The following TMEM132E variants were observed in gnomAD, a reference collection of about 807,000 sequenced individuals.
TMEM132E encodes transmembrane protein 132E.
A neutral mutation model predicts 78.5 loss-of-function variants in TMEM132E; 49 were observed. That is an observed-to-expected ratio of 0.62 (90% confidence interval 0.50 to 0.79). The LOEUF is 0.79. Ranked by LOEUF, TMEM132E falls within the 30% of genes least tolerant of loss-of-function variation. The pLI, the probability that TMEM132E is intolerant of heterozygous loss-of-function variation, is 0.00. For synonymous variants in TMEM132E, 715 were observed against 670.6 expected (o/e 1.07, Z -1.02); for missense variants, 1,403 against 1,470.9 (o/e 0.95, Z 0.75).
chr17:34,611,568 G>A (rs1232735401), intron 1 of TMEM132E, among the ~76,000 whole-genome samples: 1 of 152,176 alleles, frequency 6.6e-6, no homozygotes, highest in Non-Finnish European at 1.5e-5. Context: ...ATAAGGCGTA[G>A]GCTTGGAGGG....
intron 4 of TMEM132E, 78 bp downstream of exon 4, chr17:34,629,282 C>G: frequency 6.8e-7 from 1 of 1,463,840 alleles, no homozygotes; most frequent in Non-Finnish European, 9.3e-7. Flanking sequence ...GAATGTGAAC[C>G]ACTGAGTATA....
chr17:34,627,257 T>C (rs886872145), intron 2 of TMEM132E, among the ~76,000 whole-genome samples, 200 bp downstream of exon 2: 1 of 152,216 alleles, frequency 6.6e-6, no homozygotes, highest in Non-Finnish European at 1.5e-5. Context: ...CTTATCTGTC[T>C]AATGGCAACA....
chr17:34,621,029 G>C (rs539616933), intron 1 of TMEM132E, among the ~76,000 whole-genome samples: 1 of 152,324 alleles, frequency 6.6e-6, no homozygotes, highest in South Asian at 2.1e-4. Flanking sequence ...AGGCTGGGGA[G>C]AGCTGGGAAC....
chr17:34,597,965 G>A (rs1906113843), intron 1 of TMEM132E, among the ~76,000 whole-genome samples: 1 of 152,182 alleles, frequency 6.6e-6, no homozygotes, highest in African/African-American at 2.4e-5. Context: ...CCCTGTTTGA[G>A]ATGAGACAGA....
At chr17:34,608,693 G>A (rs911133407) in intron 1 of TMEM132E, among the ~76,000 whole-genome samples, 19 of 152,232 alleles carry the variant, frequency 1.2e-4, no homozygotes, top group African/African-American at 4.6e-4. Flanking sequence ...TCAGGATGGA[G>A]GGGCTTGGCA....
intron 2 of TMEM132E, among the ~76,000 whole-genome samples, 162 bp downstream of exon 2, chr17:34,627,219 A>T (rs1316194123): frequency 2.0e-5 from 3 of 152,234 alleles, no homozygotes; most frequent in African/African-American, 7.2e-5. Flanking sequence ...CCTCAGGAAG[A>T]TACCTCGCTT....
At chr17:34,617,822 G>C (rs1440703368) in intron 1 of TMEM132E, among the ~76,000 whole-genome samples, 1 of 152,020 alleles carries the variant, frequency 6.6e-6, no homozygotes. Context: ...ATTTTAAATG[G>C]CATTTATTTT....
chr17:34,596,148 C>T lies in TMEM132E; in HGVS notation c.67+15005C>T, dbSNP rs535857033. 7.6e-4 allele frequency among the ~76,000 whole-genome samples: 116 copies of T among 152,222 alleles called. 1 individual carries two copies. The highest frequency in any genetic ancestry group is 2.6e-3 in the African/African-American group (109 of 41,536). On this transcript the variant is annotated intron_variant, in intron 1 of 8. Coordinates refer to ENST00000631683, the MANE Select transcript of TMEM132E (RefSeq NM_001304438.2). ...AGGCCATCTTTAGAAGAGAGATTTC[C>T]CCTGTCTGGGGTGTGGCAAGAGGAA...
intron 1 of TMEM132E, among the ~76,000 whole-genome samples, chr17:34,606,142 C>T (rs935275763): frequency 3.9e-5 from 6 of 152,032 alleles, no homozygotes; most frequent in Non-Finnish European, 8.8e-5. Flanking sequence ...GTCAGGAGTT[C>T]GAGACCAGCC....
chr17:34,608,751 G>A lies in TMEM132E; in HGVS notation c.68-17376G>A, dbSNP rs77959688. ...TCAAACCACATAAGACCTCTTTTTC[G>A]CAGAGACAGGGGAGCAGGTGGCCTT... On this transcript the variant is annotated intron_variant, in intron 1 of 8. Transcript: ENST00000631683. Among the ~76,000 whole-genome samples, 1,659 of 152,168 alleles carry A rather than the reference G, an allele frequency of 0.011. 96 individuals are homozygous for A. In the East Asian group the frequency reaches 0.17, roughly 16 times the overall value.
chr17:34,629,378 A>G (rs1597691367), intron 4 of TMEM132E, among the ~76,000 whole-genome samples, 174 bp downstream of exon 4: 2 of 152,142 alleles, frequency 1.3e-5, no homozygotes, highest in South Asian at 4.2e-4. Context: ...TGTGTTTTAT[A>G]TTTGTCGGGC....
chr17:34,621,797 GGGGC>G (rs1361990316), intron 1 of TMEM132E, among the ~76,000 whole-genome samples: 2 of 151,604 alleles, frequency 1.3e-5, no homozygotes, highest in Non-Finnish European at 1.5e-5. Flanking sequence ...GTGGAAGTGG[GGGGC>G]GGGCAGGTGC....
At position 34,628,707 on chromosome 17, in the gene TMEM132E, C is replaced by A. The variant is rs553472051; in HGVS notation, c.1143C>A (p.Pro381=). The A allele has an allele frequency of 3.6e-5, 58 of 1,589,868 alleles. No individual in the cohort carries two copies. In the South Asian group the frequency reaches 5.9e-4, roughly 16 times the overall value. ...VAWAQSTPLP[P]REGQGPLEIL... is the part of the protein sequence containing the mutation. Reference sequence around the variant, plus strand: ...GGGCTCAGAGCACACCCCTGCCCCCCAGGTGAGCCCGAGGTGGTGCATCTA... The same window carrying A: ...GGGCTCAGAGCACACCCCTGCCCCCAAGGTGAGCCCGAGGTGGTGCATCTA... The change falls in exon 3 of 9, where the codon CCC becomes CCA. Residue 381 remains proline (P), a splice_region_variant and synonymous_variant. Transcript: ENST00000631683.
At chr17:34,609,495 A>G (rs1460113459) in intron 1 of TMEM132E, among the ~76,000 whole-genome samples, 1 of 152,084 alleles carries the variant, frequency 6.6e-6, no homozygotes, top group Non-Finnish European at 1.5e-5. Flanking sequence ...TAAGCTGGAG[A>G]ACTTAATTAC....
chr17:34,620,390 G>A (rs1468639190), intron 1 of TMEM132E, among the ~76,000 whole-genome samples: 1 of 152,272 alleles, frequency 6.6e-6, no homozygotes, highest in East Asian at 1.9e-4. Flanking sequence ...CTGGTGGTTA[G>A]GGAGGGCAGT....
chr17:34,581,465 G>A (rs756798853), intron 1 of TMEM132E, among the ~76,000 whole-genome samples: 1 of 151,360 alleles, frequency 6.6e-6, no homozygotes, highest in Non-Finnish European at 1.5e-5. Context: ...GGGATCCTCC[G>A]GATCGCGTCC....
At chr17:34,599,497 C>T (rs910338268) in intron 1 of TMEM132E, among the ~76,000 whole-genome samples, 3 of 152,092 alleles carry the variant, frequency 2.0e-5, no homozygotes, top group African/African-American at 2.4e-5. Flanking sequence ...CTTCTGCCAG[C>T]AGTGGGTGGA....
chr17:34,594,004 G>A (rs532487843), intron 1 of TMEM132E, among the ~76,000 whole-genome samples: 3 of 152,138 alleles, frequency 2.0e-5, no homozygotes, highest in Admixed American at 2.0e-4. Context: ...CACGATTCCC[G>A]CCTCTTACCT....
intron 1 of TMEM132E, among the ~76,000 whole-genome samples, chr17:34,594,207 G>A (rs1388305410): frequency 6.6e-6 from 1 of 152,190 alleles, no homozygotes; most frequent in Non-Finnish European, 1.5e-5. Context: ...AACCCCTGGG[G>A]CCTGGCACAG....
Sources: gnomAD v4.1 joint callset for allele counts (sites outside exome capture counted in the v4.1 genomes callset) on GRCh38, gnomAD v4.1.1 for gene constraint, MANE v1.5 for transcripts, NCBI Gene and HGNC (gene_info 2026-07-23, HGNC 2026-07-21) for gene names.